Variants in BAZ1A observed in about 807,000 individuals in gnomAD.
BAZ1A encodes the protein bromodomain adjacent to zinc finger domain 1A.
A neutral mutation model predicts 185.2 loss-of-function variants in BAZ1A; 50 were observed. The observed-to-expected ratio is 0.27, with a 90% CI of 0.22 to 0.34. BAZ1A has a LOEUF of 0.34. Among genes scored for constraint, BAZ1A ranks in the 10% least tolerant of loss-of-function variants. The pLI is 1.00. For missense variants in BAZ1A, 1,356 were observed against 1,839.9 expected (o/e 0.74, Z 4.81); for synonymous variants, 571 against 615.6 (o/e 0.93, Z 1.07).
intron 14 of BAZ1A, 58 bp from the exon 15 acceptor site, chr14:34,783,985 G>C: frequency 1.4e-6 from 2 of 1,446,752 alleles, no homozygotes; most frequent in Non-Finnish European, 1.9e-6. Flanking sequence ...AACTGTGTTT[G>C]AACTTTTTAA....
intron 12 of BAZ1A, among the ~76,000 whole-genome samples, chr14:34,791,699 G>A (rs1023498213): frequency 2.0e-5 from 3 of 152,154 alleles, no homozygotes; most frequent in African/African-American, 7.2e-5. Flanking sequence ...TAACAGTTCT[G>A]TTTTACTGTG....
At chr14:34,769,701 T>TCA (rs1298932663) in intron 21 of BAZ1A, among the ~76,000 whole-genome samples, 1 of 152,252 alleles carries the variant, frequency 6.6e-6, no homozygotes, top group Non-Finnish European at 1.5e-5. Context: ...TCTTTTGGAA[T>TCA]CACAGTGTTA....
intron 3 of BAZ1A, among the ~76,000 whole-genome samples, chr14:34,861,011 C>T (rs1448552802): frequency 6.6e-6 from 1 of 152,068 alleles, no homozygotes; most frequent in Non-Finnish European, 1.5e-5. Flanking sequence ...TAGCACCTAA[C>T]AATTAAAATG....
intron 10 of BAZ1A, 32 bp downstream of exon 10, chr14:34,795,637 AT>A: frequency 1.4e-6 from 2 of 1,458,820 alleles, no homozygotes; most frequent in Non-Finnish European, 1.9e-6. Flanking sequence ...TGTAAAACCT[AT>A]GTGTGCTAAA....
intron 3 of BAZ1A, among the ~76,000 whole-genome samples, chr14:34,861,833 C>T (rs1243665833): frequency 1.3e-5 from 2 of 152,198 alleles, no homozygotes; most frequent in East Asian, 1.9e-4. Context: ...CACATACAGA[C>T]GCATGCACGT....
intron 24 of BAZ1A, 21 bp from the exon 25 acceptor site, chr14:34,758,867 T>A (rs1354947844): frequency 1.2e-6 from 2 of 1,609,454 alleles, no homozygotes; most frequent in Admixed American, 3.4e-5. Context: ...AATTACAACA[T>A]TTTAGGTGAT....
intron 4 of BAZ1A, among the ~76,000 whole-genome samples, chr14:34,823,891 G>A (rs2042123325): frequency 6.6e-6 from 1 of 151,958 alleles, no homozygotes; most frequent in South Asian, 2.1e-4. Flanking sequence ...ACACTCATCT[G>A]ATTTATAACT....
In BAZ1A at chr14:34,758,451, G is replaced by C. The variant is rs192458235; in HGVS notation, c.4386+253C>G. ...AAATATTAGCCGGGTGTGGTGGTGTGTGCCTGTAATCCCAGTTACTCAGGA... is the reference window on the plus strand; with the variant it reads ...AAATATTAGCCGGGTGTGGTGGTGTCTGCCTGTAATCCCAGTTACTCAGGA... On this transcript the variant is annotated intron_variant, in intron 25 of 26. Coordinates refer to ENST00000360310, the MANE Select transcript of BAZ1A (RefSeq NM_013448.3). The C allele has an allele frequency of 1.4e-3, 501 of 345,560 alleles. 4 individuals are homozygous for C. The highest frequency in any genetic ancestry group is 9.9e-3 in the African/African-American group (459 of 46,250). The allele number at this position is 345,560 out of a possible 1,614,324, so 21.4% of individuals were successfully genotyped here. A position where few individuals can be genotyped will look rare whatever the true frequency, so the allele number is the denominator to read the frequency against.
intron 25 of BAZ1A, among the ~76,000 whole-genome samples, chr14:34,755,758 A>G (rs1392078349): frequency 6.6e-6 from 1 of 150,714 alleles, no homozygotes; most frequent in Non-Finnish European, 1.5e-5. Context: ...TAACTACAAC[A>G]CCATCTCATA....
chr14:34,848,837 A>AG (rs960969681), intron 3 of BAZ1A, among the ~76,000 whole-genome samples: 1 of 152,234 alleles, frequency 6.6e-6, no homozygotes, highest in African/African-American at 2.4e-5. Flanking sequence ...AACCTATATT[A>AG]GGGAAAAGGT....
chr14:34,801,295 T>C (rs1442703589), intron 7 of BAZ1A, 102 bp from the exon 8 acceptor site: 2 of 809,900 alleles, frequency 2.5e-6, no homozygotes, highest in African/African-American at 3.6e-5. Context: ...ACTAAAATGA[T>C]TTTTTTATTT....
At chr14:34,832,215 C>CACAT in intron 3 of BAZ1A, among the ~76,000 whole-genome samples, 13 of 89,712 alleles carry the variant, frequency 1.4e-4, no homozygotes, top group African/African-American at 4.5e-4. Flanking sequence ...CACACACACA[C>CACAT]ATATATATAT....
At chr14:34,803,182 C>T (rs1318190805) in intron 6 of BAZ1A, among the ~76,000 whole-genome samples, 194 bp from the exon 7 acceptor site, 1 of 152,028 alleles carries the variant, frequency 6.6e-6, no homozygotes, top group Non-Finnish European at 1.5e-5. Context: ...AGATCGAGAC[C>T]ATCCTGCCCA....
At chr14:34,840,770 AACAAAC>A (rs1317886591) in intron 3 of BAZ1A, among the ~76,000 whole-genome samples, 4 of 108,560 alleles carry the variant, frequency 3.7e-5, no homozygotes, top group Non-Finnish European at 5.9e-5. Flanking sequence ...CCCAAAAACA[AACAAAC>A]AAACAAACAA....
chr14:34,797,331 G>A (rs756861736), intron 9 of BAZ1A, among the ~76,000 whole-genome samples: 31 of 152,110 alleles, frequency 2.0e-4, no homozygotes, highest in African/African-American at 6.0e-4. Context: ...AGGTCGAGGC[G>A]GGCAGATCAC....
In BAZ1A at chr14:34,754,050, C is replaced by T. The variant is rs1445870559; in HGVS notation, c.4475-346G>A. Among the ~76,000 whole-genome samples the T allele has an allele frequency of 6.6e-5, 10 of 151,798 alleles. No individual in the cohort carries two copies. In the South Asian group the frequency reaches 1.7e-3, roughly 25 times the overall value. ...GACGGATCACCTGAGGTCAGGAGTT[C>T]GACACCAGCCTGGGCAACATGGTGA... On this transcript the variant is annotated intron_variant, in intron 26 of 26. Coordinates refer to ENST00000360310, the MANE Select transcript of BAZ1A (RefSeq NM_013448.3).
chr14:34,762,511 C>A (rs1886569495), intron 23 of BAZ1A, among the ~76,000 whole-genome samples: 1 of 150,968 alleles, frequency 6.6e-6, no homozygotes, highest in African/African-American at 2.4e-5. Context: ...CAGAGTATCA[C>A]TGTCACCCAG....
Position 34,765,276 on chromosome 14 carries a change from G to A in BAZ1A, c.3302-8C>T. 1 of 1,610,412 alleles carries A rather than the reference G, an allele frequency of 6.2e-7. No homozygotes were observed. Among genetic ancestry groups the A allele is most frequent in the South Asian group, 1.1e-5 (1 of 90,362 alleles). On this transcript the variant is annotated splice_polypyrimidine_tract_variant and splice_region_variant and intron_variant, in intron 21 of 26. Transcript: ENST00000360310. Reference sequence around the variant, plus strand: ...GCCCACTGTCACTGGCATCTTAAATGAAAAGGGAAAGTGATTACAATTTTT... The same window carrying A: ...GCCCACTGTCACTGGCATCTTAAATAAAAAGGGAAAGTGATTACAATTTTT...
chr14:34,779,934 T>C (rs1879927985), intron 17 of BAZ1A, among the ~76,000 whole-genome samples: 1 of 152,192 alleles, frequency 6.6e-6, no homozygotes, highest in Non-Finnish European at 1.5e-5. Flanking sequence ...ATTAACGACA[T>C]AGGAATATTG....
Sources: gnomAD v4.1 joint callset for allele counts (sites outside exome capture counted in the v4.1 genomes callset) on GRCh38, gnomAD v4.1.1 for gene constraint, MANE v1.5 for transcripts, NCBI Gene and HGNC (gene_info 2026-07-23, HGNC 2026-07-21) for gene names.